The following ATG9A variants were observed in gnomAD, a reference collection of about 807,000 sequenced individuals.
ATG9A encodes the protein autophagy-related protein 9A.
In ATG9A, 21 loss-of-function variants were observed where a neutral mutation model predicts 87.1. The ratio of observed to expected loss-of-function variants is 0.24; its 90% CI spans 0.17 to 0.35. ATG9A has a LOEUF of 0.35. ATG9A is among the 10% of genes least tolerant of loss of function. The pLI is 1.00. For synonymous variants in ATG9A, 422 were observed against 441.3 expected, an observed-to-expected ratio of 0.96 and a Z score of 0.55; for missense variants, 836 against 1,107.3, an observed-to-expected ratio of 0.76 and a Z score of 3.48.
At position 219,222,587 on chromosome 2, in the gene ATG9A, C is replaced by G; in HGVS notation, c.1848+58G>C. ...GCCTTCCACCCCATGCCCGGTCCCT[C>G]AACTCCCAGCTCCTGAAGTCCACTC... On this transcript the variant is annotated intron_variant, in intron 11 of 15. Coordinates refer to ENST00000361242, the MANE Select transcript of ATG9A (RefSeq NM_001077198.3). This position sits in a 1 kb window ranked among gnomAD's most constrained non-coding sequence, Gnocchi z 4.3. The G allele has an allele frequency of 6.2e-7, 1 of 1,605,582 alleles. No individual in the cohort carries two copies. Among genetic ancestry groups the G allele is most frequent in the Non-Finnish European group, 8.5e-7 (1 of 1,173,838 alleles).
At chr2:219,225,239 A>G in intron 6 of ATG9A, 27 bp from the exon 7 acceptor site, 2 of 1,613,628 alleles carry the variant, frequency 1.2e-6, no homozygotes, top group South Asian at 2.2e-5. Context: ...AGGGGAGGAG[A>G]GGTGGCCCTC....
At position 219,224,847 on chromosome 2, in the gene ATG9A, A is replaced by C. The variant is rs1179216736; in HGVS notation, c.524T>G (p.Leu175Arg). The change falls in exon 8 of 16, where the codon CTT becomes CGT. Residue 175 changes from leucine to arginine, a missense_variant. Transcript: ENST00000361242. This position sits in a 1 kb window ranked among gnomAD's most constrained non-coding sequence, Gnocchi z 7.7. ...CACTTCTTGCCACGTGCAATACGGA[A>C]GGGCAGACTGCGGGGTGGGGTGGGG... ...LHALRIPMSA[L>R]PYCTWQEVQA... 1.9e-6 allele frequency: 3 copies of C among 1,586,382 alleles called. No individual in the cohort carries two copies. The highest frequency in any genetic ancestry group is 2.8e-5 in the African/African-American group (2 of 71,502).
rs748437922 is a variant in ATG9A, at chr2:219,220,749, T to C, written c.2512A>G (p.Lys838Glu). ...TTCCTAGGCCCCGGGGCCCTTACCTTGTGCACCTGAGGGGGTAGCTCATCC... is the reference window on the plus strand; with the variant it reads ...TTCCTAGGCCCCGGGGCCCTTACCTCGTGCACCTGAGGGGGTAGCTCATCC... ...SEDELPPQVH[K>E]V The change falls in exon 15 of 16, where the codon AAG becomes GAG. Residue 838 changes from lysine (K) to glutamate (E), a missense_variant and splice_region_variant. Physicochemically the swap from Lys to Glu is moderately conservative, Grantham distance 56 (BLOSUM62 1). This residue lies in a region of ATG9A where 324 missense variants were observed against 347.6 expected (regional missense o/e 0.93). Coordinates refer to ENST00000361242, the MANE Select transcript of ATG9A (RefSeq NM_001077198.3). 1 of 1,612,998 alleles carries C rather than the reference T, an allele frequency of 6.2e-7. No homozygotes were observed. Among genetic ancestry groups the C allele is most frequent in the East Asian group, 2.2e-5 (1 of 44,848 alleles).
chr2:219,220,884 T>C lies in ATG9A; in HGVS notation c.2377A>G (p.Thr793Ala). Residue 793 changes from threonine to alanine, a missense_variant, in exon 15 of 16, where the codon ACA becomes GCA. By Grantham distance (58) the Thr-to-Ala change is moderately conservative. Around this residue, in one of 2 missense-constraint regions of ATG9A, gnomAD observed 324 missense variants for 347.6 expected, o/e 0.93. Transcript: ENST00000361242. ...RRYGGITDPGTVPRVPSHFSR... is the reference protein window; with the variant it reads ...RRYGGITDPGAVPRVPSHFSR... ...AAATGAGAGGGAACCCTGGGCACTGTGCCAGGATCTGGAGAGACAAGTAAG... is the reference window on the plus strand; with the variant it reads ...AAATGAGAGGGAACCCTGGGCACTGCGCCAGGATCTGGAGAGACAAGTAAG... 6.2e-7 allele frequency: 1 copy of C among 1,612,228 alleles called. No homozygotes were observed. Among genetic ancestry groups the C allele is most frequent in the Admixed American group, 1.7e-5 (1 of 59,834 alleles).
At position 219,222,005 on chromosome 2, in the gene ATG9A, C is replaced by T. The variant is rs1462489573; in HGVS notation, c.2145+45G>A. ...AGGGTTTGGAACCCCGGTCTTGCTT[C>T]TCCGCATCTAAACCCTCTACTCTCT... On this transcript the variant is annotated intron_variant, in intron 13 of 15. Coordinates refer to ENST00000361242, the MANE Select transcript of ATG9A (RefSeq NM_001077198.3). This position sits in a 1 kb window ranked among gnomAD's most constrained non-coding sequence, Gnocchi z 4.3. The T allele has an allele frequency of 2.6e-6, 4 of 1,556,724 alleles. No individual in the cohort carries two copies. Among genetic ancestry groups the T allele is most frequent in the Admixed American group, 3.6e-5 (2 of 56,238 alleles).
Position 219,223,545 on chromosome 2 carries a change from G to C in ATG9A, c.1599+40C>G. 3.9e-6 allele frequency: 6 copies of C among 1,557,490 alleles called. No individual in the cohort carries two copies. The highest frequency in any genetic ancestry group is 5.2e-6 in the Non-Finnish European group (6 of 1,152,316). On this transcript the variant is annotated intron_variant, in intron 10 of 15. Transcript: ENST00000361242. The surrounding 1 kb of genome is among the most constrained non-coding windows in gnomAD (Gnocchi z 4.7). Reference sequence around the variant, plus strand: ...TTTCCCAAAGACACTGTATGTTCCAGCATCATCCCAGGCCACCTGGCTCCC... The same window carrying C: ...TTTCCCAAAGACACTGTATGTTCCACCATCATCCCAGGCCACCTGGCTCCC...
Position 219,225,457 on chromosome 2 carries a change from C to T in ATG9A, c.328G>A (p.Val110Ile). 6 of 1,614,156 alleles carry T rather than the reference C, an allele frequency of 3.7e-6. No individual in the cohort carries two copies. Among genetic ancestry groups the T allele is most frequent in the Non-Finnish European group, 5.1e-6 (6 of 1,180,032 alleles). Residue 110 changes from valine to isoleucine, a missense_variant, in exon 6 of 16, where the codon GTC becomes ATC. Physicochemically the swap from Val to Ile is conservative, Grantham distance 29. Around this residue, in one of 2 missense-constraint regions of ATG9A, gnomAD observed 512 missense variants for 759.6 expected, o/e 0.67. Transcript: ENST00000361242. ...GGCAAAAAGGCGTCTGGCAGAGTGA[C>T]CTTGACGGGTTCAGTAGGGTGAAGA... Reference protein sequence around the residue: ...HSLHPTEPVKVTLPDAFLPAQ... With the variant: ...HSLHPTEPVKITLPDAFLPAQ...
intron 14 of ATG9A, 72 bp downstream of exon 14, chr2:219,221,008 T>C: frequency 6.3e-7 from 1 of 1,592,448 alleles, no homozygotes; most frequent in South Asian, 1.1e-5. Flanking sequence ...ACCTCTTTCC[T>C]CCCCTTGAGA....
chr2:219,220,467 G>C lies in ATG9A; in HGVS notation c.2515-15C>G. 1 of 1,613,736 alleles carries C rather than the reference G, an allele frequency of 6.2e-7. No homozygotes were observed. The highest frequency in any genetic ancestry group is 8.5e-7 in the Non-Finnish European group (1 of 1,179,700). On this transcript the variant is annotated splice_polypyrimidine_tract_variant and intron_variant, in intron 15 of 15. Coordinates refer to ENST00000361242, the MANE Select transcript of ATG9A (RefSeq NM_001077198.3). The stretch of plus-strand genomic sequence containing the variant: ...CTTGTCTATACCTGTGGGGAGAAAG[G>C]GTTGGTAATGGAGATAGTCTTCAGC...
chr2:219,222,484 G>T lies in ATG9A; in HGVS notation c.1849-34C>A. 1 of 1,542,654 alleles carries T rather than the reference G, an allele frequency of 6.5e-7. No individual in the cohort carries two copies. The highest frequency in any genetic ancestry group is 8.7e-7 in the Non-Finnish European group (1 of 1,145,874). ...GAAACGGGTAGGTAGAATTCTTGAG[G>T]CAAGAGAAAGGTCTCTGGGGTCCCC... On this transcript the variant is annotated intron_variant, in intron 11 of 15. Transcript: ENST00000361242. This position sits in a 1 kb window ranked among gnomAD's most constrained non-coding sequence, Gnocchi z 4.3.
rs763803430 is a variant in ATG9A, at chr2:219,228,050, C to T, written c.-26G>A. Reference sequence around the variant, plus strand: ...CACCACCGCCCCCTGTCCACCTTGACCACCTGCCAATAAGGAGGAAGAAGA... The same window carrying T: ...CACCACCGCCCCCTGTCCACCTTGATCACCTGCCAATAAGGAGGAAGAAGA... On this transcript the variant is annotated 5_prime_UTR_variant, in exon 3 of 16. Transcript: ENST00000361242. 29 of 1,592,166 alleles carry T rather than the reference C, an allele frequency of 1.8e-5. No individual in the cohort carries two copies. Among genetic ancestry groups the T allele is most frequent in the Non-Finnish European group, 2.3e-5 (27 of 1,162,914 alleles).
chr2:219,224,400 G>A lies in ATG9A; in HGVS notation c.971C>T (p.Pro324Leu), dbSNP rs886764360. Residue 324 changes from proline (P) to leucine (L), a missense_variant, in exon 8 of 16, where the codon CCG (proline) becomes CTG (leucine). Physicochemically the swap from Pro to Leu is moderately conservative, Grantham distance 98. This residue lies in a region of ATG9A where 512 missense variants were observed against 759.6 expected (regional missense o/e 0.67). Transcript: ENST00000361242. This position sits in a 1 kb window ranked among gnomAD's most constrained non-coding sequence, Gnocchi z 7.7. ...FSYAEVLKRE[P>L]GALGARCWSL... Reference sequence around the variant, plus strand: ...CCAGCAGCGTGCTCCCAGGGCCCCCGGCTCCCGCTTCAGCACCTCAGCATA... The same window carrying A: ...CCAGCAGCGTGCTCCCAGGGCCCCCAGCTCCCGCTTCAGCACCTCAGCATA... 3 of 1,613,954 alleles carry A rather than the reference G, an allele frequency of 1.9e-6. No individual in the cohort carries two copies. The highest frequency in any genetic ancestry group is 2.5e-6 in the Non-Finnish European group (3 of 1,180,036).
In ATG9A at chr2:219,223,001, T is replaced by C; in HGVS notation, c.1600-108A>G. ...CCCTTGGAGAACGGAGACCACAGTA[T>C]ACTGTCAATCTTTCCCAGGGCACTG... On this transcript the variant is annotated intron_variant, in intron 10 of 15. Transcript: ENST00000361242. The surrounding 1 kb of genome is among the most constrained non-coding windows in gnomAD (Gnocchi z 4.7). 8.4e-6 allele frequency: 12 copies of C among 1,431,922 alleles called. No homozygotes were observed. The highest frequency in any genetic ancestry group is 1.1e-5 in the Non-Finnish European group (12 of 1,060,244). The allele number at this position is 1,431,922 out of a possible 1,614,324, so 88.7% of individuals were successfully genotyped here.
rs766730899 is a variant in ATG9A at position 219,224,361 on chromosome 2, C to T, written c.1010G>A (p.Arg337His). ...CTCGTTGAAGTGGCGGAGGTAGCAG[C>T]GGCCATAGAGTGACCAGCAGCGTGC... is the stretch of plus-strand genomic sequence containing the variant. Reference protein sequence around the residue: ...LGARCWSLYGRCYLRHFNELE... With the variant: ...LGARCWSLYGHCYLRHFNELE... Residue 337 changes from arginine (R) to histidine (H), a missense_variant, in exon 8 of 16, where the codon CGC (arginine) becomes CAC (histidine). By Grantham distance (29) the Arg-to-His change is conservative (BLOSUM62 0). This residue lies in a region of ATG9A where 512 missense variants were observed against 759.6 expected (regional missense o/e 0.67). Coordinates refer to ENST00000361242, the MANE Select transcript of ATG9A (RefSeq NM_001077198.3). The surrounding 1 kb of genome is among the most constrained non-coding windows in gnomAD (Gnocchi z 7.7). The T allele has an allele frequency of 6.9e-5, 112 of 1,613,586 alleles. No homozygotes were observed. Among genetic ancestry groups the T allele is most frequent in the Non-Finnish European group, 9.0e-5 (106 of 1,180,036 alleles).
Position 219,229,128 on chromosome 2 carries a change from C to T in ATG9A, c.-82+407G>A, listed in dbSNP as rs896534719. On this transcript the variant is annotated intron_variant, in intron 1 of 15. Transcript: ENST00000361242. The surrounding 1 kb of genome is among the most constrained non-coding windows in gnomAD (Gnocchi z 4.2). ...TCACCACTCACAGGGTCAGTGTGGA[C>T]CAGGGCCCGTGGAGCCCCGGCCGGC... is the stretch of plus-strand genomic sequence containing the variant. 2 of 152,212 alleles carry T rather than the reference C, an allele frequency of 1.3e-5. No individual in the cohort carries two copies. Among genetic ancestry groups the T allele is most frequent in the Non-Finnish European group, 2.9e-5 (2 of 68,076 alleles). The allele number at this position is 152,212 out of a possible 1,614,324, so 9.4% of individuals were successfully genotyped here. A position where few individuals can be genotyped will look rare whatever the true frequency, so the allele number is the denominator to read the frequency against.
At position 219,221,051 on chromosome 2, in the gene ATG9A, C is replaced by CT. The variant is rs766982479; in HGVS notation, c.2368+28dup. 1.7e-5 allele frequency: 27 copies of CT among 1,609,730 alleles called. 1 individual carries two copies. The South Asian group carries it at 2.6e-4, about 16-fold the overall frequency. Reference sequence around the variant, plus strand: ...GAAGAACCACCCTTCCCTGCAGCCTCTGTTTCCTCCTATACCCCCACTGGA... The same window carrying CT: ...GAAGAACCACCCTTCCCTGCAGCCTCTTGTTTCCTCCTATACCCCCACTGGA... On this transcript the variant is annotated intron_variant, in intron 14 of 15. Coordinates refer to ENST00000361242, the MANE Select transcript of ATG9A (RefSeq NM_001077198.3).
Position 219,224,705 on chromosome 2 carries a change from C to T in ATG9A, c.666G>A (p.Leu222=). Residue 222 remains leucine, a synonymous_variant, in exon 8 of 16, where the codon CTG becomes CTA. Transcript: ENST00000361242. The surrounding 1 kb of genome is among the most constrained non-coding windows in gnomAD (Gnocchi z 7.7). ...ILRFQNYMVA[L]VNKSLLPLRF... ...GCAGAGGCAGGAGGGATTTGTTAACCAGTGCCACCATGTAGTTCTGGAAAC... is the reference window on the plus strand; with the variant it reads ...GCAGAGGCAGGAGGGATTTGTTAACTAGTGCCACCATGTAGTTCTGGAAAC... 1 of 1,614,258 alleles carries T rather than the reference C, an allele frequency of 6.2e-7. No individual in the cohort carries two copies. The highest frequency in any genetic ancestry group is 8.5e-7 in the Non-Finnish European group (1 of 1,180,052).
In ATG9A at chr2:219,222,181, C is replaced by T. The variant is rs1470349068; in HGVS notation, c.2028-14G>A. On this transcript the variant is annotated splice_polypyrimidine_tract_variant and intron_variant, in intron 12 of 15. Coordinates refer to ENST00000361242, the MANE Select transcript of ATG9A (RefSeq NM_001077198.3). The surrounding 1 kb of genome is among the most constrained non-coding windows in gnomAD (Gnocchi z 4.3). ...CTGGCATCCACCCTGTCTCTCCCAACAGAGACAGACAGCAGCTGTGAACTT... is the reference window on the plus strand; with the variant it reads ...CTGGCATCCACCCTGTCTCTCCCAATAGAGACAGACAGCAGCTGTGAACTT... 35 of 1,613,182 alleles carry T rather than the reference C, an allele frequency of 2.2e-5. No individual in the cohort carries two copies. The highest frequency in any genetic ancestry group is 2.8e-5 in the Non-Finnish European group (33 of 1,179,524).
At chr2:219,225,673 A>G in intron 5 of ATG9A, 101 bp from the exon 6 acceptor site, 1 of 1,339,128 alleles carries the variant, frequency 7.5e-7, no homozygotes, top group Non-Finnish European at 1.0e-6. Flanking sequence ...CAAGACTGGG[A>G]ACTGGAAGGG....
Sources: gnomAD v4.1 joint callset for allele counts on GRCh38, gnomAD v4.1.1 for gene constraint, gnomAD v4.1.1 regional missense constraint, Gnocchi (gnomAD v3.1) non-coding constraint, MANE v1.5 for transcripts, NCBI Gene and HGNC (gene_info 2026-07-23, HGNC 2026-07-21) for gene names.